The following KLHL32 variants were observed in gnomAD, a reference collection of about 807,000 sequenced individuals.
KLHL32 encodes the protein kelch-like protein 32.
A neutral mutation model predicts 64.8 loss-of-function variants in KLHL32; 35 were observed. That is an observed-to-expected ratio of 0.54 (90% CI 0.41 to 0.72). KLHL32 has a LOEUF of 0.72. Among genes scored for constraint, KLHL32 ranks in the 30% least tolerant of loss-of-function variants. KLHL32 has a pLI of 0.00. For synonymous variants in KLHL32, 259 were observed against 281.0 expected (o/e 0.92, Z 0.78); for missense variants, 589 against 768.5 (o/e 0.77, Z 2.76).
intron 4 of KLHL32, among the ~76,000 whole-genome samples, chr6:97,050,281 A>G (rs1194867155): frequency 3.9e-5 from 6 of 152,012 alleles, no homozygotes; most frequent in East Asian, 3.9e-4. Flanking sequence ...CAACCCCCCA[A>G]CCCAAAATCT....
chr6:97,049,137 A>G (rs1267106540), intron 4 of KLHL32, among the ~76,000 whole-genome samples: 3 of 152,212 alleles, frequency 2.0e-5, no homozygotes, highest in Admixed American at 1.3e-4. Context: ...ACCAAACCCT[A>G]TATATACTAT....
At chr6:97,112,767 A>T (rs190154783) in intron 6 of KLHL32, among the ~76,000 whole-genome samples, 1,784 of 146,516 alleles carry the variant, frequency 0.012, 34 homozygotes, top group African/African-American at 0.044. Flanking sequence ...TTTAATTTTA[A>T]AAAAAAAAAG....
At chr6:96,976,235 T>G (rs1277990129) in intron 3 of KLHL32, 58 bp downstream of exon 3, 1 of 1,436,554 alleles carries the variant, frequency 7.0e-7, no homozygotes, top group Non-Finnish European at 9.4e-7. Flanking sequence ...TGACAATGTT[T>G]CCCAAACTGT....
At chr6:96,980,684 T>C (rs1280786669) in intron 3 of KLHL32, among the ~76,000 whole-genome samples, 1 of 152,182 alleles carries the variant, frequency 6.6e-6, no homozygotes, top group Non-Finnish European at 1.5e-5. Context: ...TAGAAAGACA[T>C]AGAGAAGAGT....
chr6:96,989,643 C>T (rs1179638516), intron 3 of KLHL32, among the ~76,000 whole-genome samples: 2 of 152,124 alleles, frequency 1.3e-5, no homozygotes, highest in Non-Finnish European at 2.9e-5. Context: ...TGAATGTTCA[C>T]CTCTCTAATG....
intron 8 of KLHL32, among the ~76,000 whole-genome samples, chr6:97,129,705 A>T (rs1170434642): frequency 6.6e-6 from 1 of 152,152 alleles, no homozygotes; most frequent in African/African-American, 2.4e-5. Context: ...AACATGGTGA[A>T]ACCCCGTCTT....
intron 3 of KLHL32, among the ~76,000 whole-genome samples, chr6:96,984,912 A>G (rs199719221): frequency 0.012 from 1,754 of 152,268 alleles, 28 homozygotes; most frequent in East Asian, 0.062. Flanking sequence ...TGATCCTGTC[A>G]TTATGATCTT....
chr6:96,997,515 A>G (rs367979395), intron 3 of KLHL32, among the ~76,000 whole-genome samples: 2 of 152,176 alleles, frequency 1.3e-5, no homozygotes, highest in South Asian at 4.2e-4. Flanking sequence ...TGGAAGGCCC[A>G]ATGGGGAGAA....
intron 3 of KLHL32, among the ~76,000 whole-genome samples, chr6:96,984,217 T>C (rs538130982): frequency 2.0e-5 from 3 of 152,260 alleles, no homozygotes; most frequent in Non-Finnish European, 4.4e-5. Flanking sequence ...TCCTGAGTTC[T>C]AGTTTGATTG....
intron 6 of KLHL32, among the ~76,000 whole-genome samples, chr6:97,103,213 C>CTT (rs5878463): frequency 2.4e-4 from 29 of 121,372 alleles, no homozygotes; most frequent in Admixed American, 3.3e-4. Flanking sequence ...TTGAATTTAT[C>CTT]TTTTTTTTTT....
upstream of KLHL32, among the ~76,000 whole-genome samples, chr6:96,921,625 C>T (rs545011631): frequency 3.3e-5 from 5 of 152,276 alleles, no homozygotes; most frequent in East Asian, 3.9e-4. Context: ...CAGAAAACCA[C>T]GACACTGGCA....
At chr6:97,100,966 C>CTT (rs58422496) in intron 6 of KLHL32, among the ~76,000 whole-genome samples, 1 of 69,472 alleles carries the variant, frequency 1.4e-5, no homozygotes, top group Admixed American at 1.7e-4. Flanking sequence ...TGCAGCCAAG[C>CTT]TTTTTTTTTT....
At chr6:96,989,666 T>C (rs950296297) in intron 3 of KLHL32, among the ~76,000 whole-genome samples, 1 of 152,194 alleles carries the variant, frequency 6.6e-6, no homozygotes, top group African/African-American at 2.4e-5. Context: ...ACTTGGGAAA[T>C]TTTTCTGGAT....
chr6:97,079,877 G>A (rs999492832), intron 5 of KLHL32, among the ~76,000 whole-genome samples: 19 of 152,062 alleles, frequency 1.2e-4, no homozygotes, highest in Non-Finnish European at 1.9e-4. Context: ...AAAAAAAAGA[G>A]TAAGATTTTC....
chr6:96,927,939 G>T (rs1345821025), intron 1 of KLHL32, among the ~76,000 whole-genome samples: 1 of 152,198 alleles, frequency 6.6e-6, no homozygotes, highest in Non-Finnish European at 1.5e-5. Flanking sequence ...TATAAAGTGG[G>T]CATCTTATTT....
rs750242567 is a variant in KLHL32, at chr6:97,055,796, TAAAAA to T, written c.313-8810_313-8806del. 2.3e-3 allele frequency among the ~76,000 whole-genome samples: 188 copies of T among 81,052 alleles called. 14 individuals carry two copies. The South Asian group carries it at 0.032, about 14-fold the overall frequency. The allele number at this position is 81,052 out of a possible 152,430, so 53.2% of individuals were successfully genotyped here. A position where few individuals can be genotyped will look rare whatever the true frequency, so the allele number is the denominator to read the frequency against. ...CGAGGTAACAGACTGAGAACCTGTC[TAAAAA>T]AAAAAAAAAAAAAAAAAAAAACCCC... On this transcript the variant is annotated intron_variant, in intron 4 of 10. Transcript: ENST00000369261.
chr6:97,137,557 C>T (rs1024280417), intron 10 of KLHL32, among the ~76,000 whole-genome samples: 1 of 151,990 alleles, frequency 6.6e-6, no homozygotes, highest in East Asian at 1.9e-4. Flanking sequence ...TTCCCCCAGA[C>T]GGAGTATCAC....
chr6:97,057,994 ACTAT>A (rs1788286819), intron 4 of KLHL32, among the ~76,000 whole-genome samples: 1 of 152,152 alleles, frequency 6.6e-6, no homozygotes, highest in African/African-American at 2.4e-5. Context: ...TCTTGAAAAG[ACTAT>A]CTTTTATCCA....
intron 6 of KLHL32, among the ~76,000 whole-genome samples, chr6:97,111,392 C>T (rs994304463): frequency 5.3e-5 from 8 of 152,220 alleles, no homozygotes; most frequent in South Asian, 2.1e-4. Flanking sequence ...CCTTCACGGG[C>T]GGGAACTGGA....
Sources: allele counts gnomAD v4.1 joint callset (sites outside exome capture counted in the v4.1 genomes callset), GRCh38; gene constraint gnomAD v4.1.1; transcripts MANE v1.5; gene names NCBI Gene and HGNC (gene_info 2026-07-23, HGNC 2026-07-21).